Variants in BOD1L1 observed in about 807,000 individuals in gnomAD.
BOD1L1 encodes the protein biorientation of chromosomes in cell division 1 like 1.
In BOD1L1, 86 loss-of-function variants were observed where a neutral mutation model predicts 240.7. The observed-to-expected ratio is 0.36, with a 90% CI of 0.30 to 0.43. BOD1L1 has a LOEUF of 0.43. Among genes scored for constraint, BOD1L1 ranks in the 20% least tolerant of loss-of-function variants. The pLI is 1.00. For missense variants in BOD1L1, 3,554 were observed against 3,643.5 expected, an observed-to-expected ratio of 0.98 and a Z score of 0.63; for synonymous variants, 1,268 against 1,272.3, an observed-to-expected ratio of 1.00 and a Z score of 0.07.
At chr4:13,576,192 G>A (rs961951924) in intron 25 of BOD1L1, among the ~76,000 whole-genome samples, 1 of 151,566 alleles carries the variant, frequency 6.6e-6, no homozygotes, top group Non-Finnish European at 1.5e-5. Flanking sequence ...GAGTCACCGC[G>A]CCCAGCCCTG....
Position 13,614,344 on chromosome 4 carries a change from A to T in BOD1L1, c.1026T>A (p.Thr342=). 1 of 1,550,088 alleles carries T rather than the reference A, an allele frequency of 6.5e-7. No homozygotes were observed. Reference sequence around the variant, plus strand: ...TTTTTGAGTGATCAAATTTCTTTTCAGTCTTTTCCTTCTTTTCTTTCTTTC... The same window carrying T: ...TTTTTGAGTGATCAAATTTCTTTTCTGTCTTTTCCTTCTTTTCTTTCTTTC... ...GERKKEKKEK[T]EKKFDHSKKS... is the part of the protein sequence containing the mutation. The change falls in exon 4 of 26, where the codon ACT becomes ACA. Residue 342 remains threonine, a synonymous_variant. Coordinates refer to ENST00000040738, the MANE Select transcript of BOD1L1 (RefSeq NM_148894.3).
Position 13,614,714 on chromosome 4 carries a change from C to G in BOD1L1, c.656G>C (p.Arg219Thr), listed in dbSNP as rs1475187596. ...TSLNQEASAA[R>T]ASTETSNAKT... Reference sequence around the variant, plus strand: ...GGCATTTGATGTTTCTGTTGAAGCCCTAGCAGCACTGGCTTCTTGGTTAAG... The same window carrying G: ...GGCATTTGATGTTTCTGTTGAAGCCGTAGCAGCACTGGCTTCTTGGTTAAG... Residue 219 changes from arginine to threonine, a missense_variant, in exon 4 of 26, where the codon AGG (arginine) becomes ACG (threonine). Arg to Thr is a moderately conservative substitution (Grantham distance 71). Around this residue, in one of 2 missense-constraint regions of BOD1L1, gnomAD observed 3,393 missense variants for 3,427.1 expected, o/e 0.99. Transcript: ENST00000040738. 1.2e-6 allele frequency: 2 copies of G among 1,613,898 alleles called. No homozygotes were observed.
chr4:13,603,594 A>C lies in BOD1L1; in HGVS notation c.3306T>G (p.Leu1102=). 6.2e-7 allele frequency: 1 copy of C among 1,613,956 alleles called. No homozygotes were observed. The highest frequency in any genetic ancestry group is 8.5e-7 in the Non-Finnish European group (1 of 1,179,872). Residue 1102 remains leucine (L), a synonymous_variant, in exon 10 of 26, where the codon CTT becomes CTG. Coordinates refer to ENST00000040738, the MANE Select transcript of BOD1L1 (RefSeq NM_148894.3). ...TATCACCACTCTTTTTTGGTCTCTG[A>C]AGGGAGGAACCGCTGGGAGTGCTCA... ...NTLSTPSGSS[L]QRPKKSGDMT...
intron 17 of BOD1L1, among the ~76,000 whole-genome samples, chr4:13,584,812 G>C (rs1299352385): frequency 3.9e-5 from 6 of 151,986 alleles, no homozygotes; most frequent in Non-Finnish European, 7.4e-5. Flanking sequence ...TGACTTTATT[G>C]ATTTTATAAA....
chr4:13,615,828 T>C (rs1334897231), intron 2 of BOD1L1, among the ~76,000 whole-genome samples: 2 of 152,214 alleles, frequency 1.3e-5, no homozygotes, highest in African/African-American at 4.8e-5. Flanking sequence ...ATCTCACCCC[T>C]ACTCTGCTCA....
Position 13,620,068 on chromosome 4 carries a change from C to A in BOD1L1, c.244-1G>T. 1 of 1,587,264 alleles carries A rather than the reference C, an allele frequency of 6.3e-7. No homozygotes were observed. Among genetic ancestry groups the A allele is most frequent in the Non-Finnish European group, 8.6e-7 (1 of 1,165,252 alleles). ...GCTGTCTCAGATTCTGATACGCAGG[C>A]TAGAGAGAAAAAAACGAAGGTAAGT... On this transcript the variant is annotated splice_acceptor_variant, in intron 1 of 25. Transcript: ENST00000040738. LOFTEE classifies it high-confidence loss of function.
Position 13,577,650 on chromosome 4 carries a change from C to T in BOD1L1, c.8750-19G>A. 6.6e-7 allele frequency: 1 copy of T among 1,522,286 alleles called. No individual in the cohort carries two copies. The highest frequency in any genetic ancestry group is 8.9e-7 in the Non-Finnish European group (1 of 1,119,994). The allele number at this position is 1,522,286 out of a possible 1,614,324, so 94.3% of individuals were successfully genotyped here. On this transcript the variant is annotated intron_variant, in intron 22 of 25. Coordinates refer to ENST00000040738, the MANE Select transcript of BOD1L1 (RefSeq NM_148894.3). The stretch of plus-strand genomic sequence containing the variant: ...GATTCATCTTTAAGAAAAGGGAAAT[C>T]TCTGCATTAATATTTTATTACTGTA...
intron 20 of BOD1L1, 35 bp from the exon 21 acceptor site, chr4:13,581,089 G>A (rs200877583): frequency 3.2e-5 from 50 of 1,561,344 alleles, no homozygotes; most frequent in Admixed American, 1.9e-4. Flanking sequence ...AAATCGGTTC[G>A]AAAATTTCTT....
rs754631343 is a variant in BOD1L1 at position 13,600,550 on chromosome 4, G to A, written c.6350C>T (p.Ala2117Val). 6.2e-7 allele frequency: 1 copy of A among 1,613,364 alleles called. No homozygotes were observed. Among genetic ancestry groups the A allele is most frequent in the Admixed American group, 1.7e-5 (1 of 59,976 alleles). ...TCCTGAGACTGCACTGGGCATGGGG[G>A]CCTCAAATTCTTCTGTGGTTACTCT... ...GTRVTTEEFE[A>V]PMPSAVSGDD... Residue 2117 changes from alanine (A) to valine (V), a missense_variant, in exon 10 of 26, where the codon GCC (alanine) becomes GTC (valine). Coordinates refer to ENST00000040738, the MANE Select transcript of BOD1L1 (RefSeq NM_148894.3).
At chr4:13,627,019 A>G (rs1374588555) in intron 1 of BOD1L1, among the ~76,000 whole-genome samples, 1 of 152,248 alleles carries the variant, frequency 6.6e-6, no homozygotes, top group Non-Finnish European at 1.5e-5. Flanking sequence ...ACTTCGATAC[A>G]AAGTAAAATC....
At position 13,599,263 on chromosome 4, in the gene BOD1L1, A is replaced by T; in HGVS notation, c.7637T>A (p.Val2546Glu). 1 of 1,613,770 alleles carries T rather than the reference A, an allele frequency of 6.2e-7. No homozygotes were observed. Among genetic ancestry groups the T allele is most frequent in the Non-Finnish European group, 8.5e-7 (1 of 1,179,740 alleles). Residue 2546 changes from valine (V) to glutamate (E), a missense_variant, in exon 10 of 26, where the codon GTG (valine) becomes GAG (glutamate). Around this residue, in one of 2 missense-constraint regions of BOD1L1, gnomAD observed 3,393 missense variants for 3,427.1 expected, o/e 0.99. Transcript: ENST00000040738. ...ADDMPPVQGT[V>E]AEHSFLPAEQ... Reference sequence around the variant, plus strand: ...AGCAGGAAGAAAGGAATGCTCAGCCACGGTCCCTTGAACAGGTGGCATGTC... The same window carrying T: ...AGCAGGAAGAAAGGAATGCTCAGCCTCGGTCCCTTGAACAGGTGGCATGTC...
At chr4:13,610,016 G>A (rs919348443) in intron 6 of BOD1L1, among the ~76,000 whole-genome samples, 19 of 152,180 alleles carry the variant, frequency 1.2e-4, no homozygotes, top group Admixed American at 8.5e-4. Context: ...ACCAAGTAAT[G>A]TTTTCAAAAG....
At chr4:13,611,846 G>A (rs1431457723) in intron 5 of BOD1L1, among the ~76,000 whole-genome samples, 1 of 152,058 alleles carries the variant, frequency 6.6e-6, no homozygotes, top group Non-Finnish European at 1.5e-5. Flanking sequence ...GGAAGAGGTG[G>A]GAATTAATAA....
At position 13,603,365 on chromosome 4, in the gene BOD1L1, G is replaced by A; in HGVS notation, c.3535C>T (p.Pro1179Ser). ...TCTADSKATAPAYKPGRGTGV... is the reference protein window; with the variant it reads ...TCTADSKATASAYKPGRGTGV... ...GTTCCACGGCCTGGCTTATAAGCTG[G>A]AGCTGTTGCTTTTGAATCTGCTGTG... Residue 1179 changes from proline to serine, a missense_variant, in exon 10 of 26, where the codon CCA (proline) becomes TCA (serine). Around this residue, in one of 2 missense-constraint regions of BOD1L1, gnomAD observed 3,393 missense variants for 3,427.1 expected, o/e 0.99. Coordinates refer to ENST00000040738, the MANE Select transcript of BOD1L1 (RefSeq NM_148894.3). The A allele has an allele frequency of 6.2e-7, 1 of 1,613,946 alleles. No homozygotes were observed. The highest frequency in any genetic ancestry group is 8.5e-7 in the Non-Finnish European group (1 of 1,179,882).
At chr4:13,617,490 G>C (rs1716706459) in intron 2 of BOD1L1, among the ~76,000 whole-genome samples, 1 of 152,176 alleles carries the variant, frequency 6.6e-6, no homozygotes, top group African/African-American at 2.4e-5. Flanking sequence ...TCACCCAAGT[G>C]GGGAGAAGCT....
intron 25 of BOD1L1, among the ~76,000 whole-genome samples, chr4:13,573,418 ATCTGTCTG>A (rs762800220): frequency 1.5e-5 from 2 of 131,352 alleles, no homozygotes; most frequent in African/African-American, 2.7e-5. Context: ...GCTTCTATCT[ATCTGTCTG>A]TCTGTCTGTC....
At chr4:13,618,398 C>T (rs867563747) in intron 2 of BOD1L1, among the ~76,000 whole-genome samples, 6 of 152,242 alleles carry the variant, frequency 3.9e-5, no homozygotes, top group African/African-American at 1.4e-4. Flanking sequence ...CCTCCACTCC[C>T]TTATCCCCTA....
rs777897244 is a variant in BOD1L1, at chr4:13,614,518, G to A, written c.852C>T (p.Pro284=). The A allele has an allele frequency of 5.6e-6, 9 of 1,613,846 alleles. No homozygotes were observed. In the Admixed American group the frequency reaches 1.2e-4, roughly 21 times the overall value. ...AATTTTTAATTTCTTCGACTGGACA[G>A]GGGAGGTCGCTGAACTCTTCAGACT... ...APKSEEFSDL[P]CPVEEIKNYT... is the part of the protein sequence containing the mutation. Residue 284 remains proline, a synonymous_variant, in exon 4 of 26, where the codon CCC becomes CCT. Transcript: ENST00000040738.
chr4:13,585,686 T>A (rs1246921480), intron 17 of BOD1L1, among the ~76,000 whole-genome samples: 1 of 152,146 alleles, frequency 6.6e-6, no homozygotes, highest in East Asian at 1.9e-4. Flanking sequence ...CATTTTGAAT[T>A]ATAGGTCCCA....
Sources: gnomAD v4.1 joint callset for allele counts (sites outside exome capture counted in the v4.1 genomes callset) on GRCh38, gnomAD v4.1.1 for gene constraint, gnomAD v4.1.1 regional missense constraint, MANE v1.5 for transcripts, NCBI Gene and HGNC (gene_info 2026-07-23, HGNC 2026-07-21) for gene names.